The following CUX1 variants were observed in gnomAD, a reference collection of about 807,000 sequenced individuals.
CUX1 encodes cut like homeobox 1.
CUX1 carries 31 observed loss-of-function variants against 158.8 expected under a neutral mutation model. That is an observed-to-expected ratio of 0.20 (90% CI 0.15 to 0.26). CUX1 has a LOEUF of 0.26. Among genes scored for constraint, CUX1 ranks in the 10% least tolerant of loss-of-function variants. The pLI is 1.00. For missense variants in CUX1, 1,589 were observed against 2,014.6 expected (o/e 0.79, Z 4.04); for synonymous variants, 879 against 862.1 (o/e 1.02, Z -0.34).
At chr7:102,009,685 C>A (rs1199986140) in intron 2 of CUX1, among the ~76,000 whole-genome samples, 1 of 152,256 alleles carries the variant, frequency 6.6e-6, no homozygotes, top group Admixed American at 6.5e-5. Context: ...CCAGCCTCCA[C>A]CCCTTCTCTC....
At position 102,253,165 on chromosome 7, in the gene CUX1, A is replaced by G; in HGVS notation, c.*4123A>G. The G allele has an allele frequency of 2.0e-6, 2 of 985,406 alleles. No homozygotes were observed. The highest frequency in any genetic ancestry group is 2.4e-6 in the Non-Finnish European group (2 of 829,976). The allele number at this position is 985,406 out of a possible 1,614,324, so 61.0% of individuals were successfully genotyped here. On this transcript the variant is annotated 3_prime_UTR_variant, in exon 24 of 24. Transcript: ENST00000292535. ...TCCCATTGAAAAACCATCCTGTCTG[A>G]TGTGGACGTTCAGGTCTGCTGGTTG... is the stretch of plus-strand genomic sequence containing the variant.
At chr7:102,101,757 C>T (rs985292132) in intron 5 of CUX1, among the ~76,000 whole-genome samples, 1 of 151,980 alleles carries the variant, frequency 6.6e-6, no homozygotes, top group Non-Finnish European at 1.5e-5. Flanking sequence ...TTAAAAAATA[C>T]AAGAATTAGC....
At chr7:102,197,601 C>T (rs1382054338) in intron 15 of CUX1, among the ~76,000 whole-genome samples, 4 of 152,146 alleles carry the variant, frequency 2.6e-5, no homozygotes, top group African/African-American at 9.7e-5. Context: ...TGATGTATAG[C>T]GTCTCCGTAT....
In CUX1 at chr7:102,250,014, A is replaced by T; in HGVS notation, c.*972A>T. The T allele has an allele frequency of 1.0e-6, 1 of 985,384 alleles. No individual in the cohort carries two copies. Among genetic ancestry groups the T allele is most frequent in the Non-Finnish European group, 1.2e-6 (1 of 829,828 alleles). The allele number at this position is 985,384 out of a possible 1,614,324, so 61.0% of individuals were successfully genotyped here. A position where few individuals can be genotyped will look rare whatever the true frequency, so the allele number is the denominator to read the frequency against. On this transcript the variant is annotated 3_prime_UTR_variant, in exon 24 of 24. Transcript: ENST00000292535. ...GGGTTTTGCAGACCAGGGTTTGTTTAATACACTCCATTCTAGGCCAAATCA... is the reference window on the plus strand; with the variant it reads ...GGGTTTTGCAGACCAGGGTTTGTTTTATACACTCCATTCTAGGCCAAATCA...
intron 4 of CUX1, among the ~76,000 whole-genome samples, chr7:102,092,547 T>C (rs1178142549): frequency 2.0e-5 from 3 of 152,052 alleles, no homozygotes; most frequent in Non-Finnish European, 4.4e-5. Context: ...AAGTGGAAAA[T>C]ATCATAAGTC....
intron 20 of CUX1, among the ~76,000 whole-genome samples, chr7:102,205,432 G>A (rs1324436924): frequency 3.3e-5 from 5 of 152,172 alleles, no homozygotes; most frequent in Non-Finnish European, 1.5e-5. Flanking sequence ...TGTGTTCAGG[G>A]CTGGGGTCTA....
intron 3 of CUX1, among the ~76,000 whole-genome samples, chr7:102,065,935 C>T (rs983128643): frequency 6.6e-5 from 10 of 151,898 alleles, no homozygotes; most frequent in African/African-American, 2.4e-4. Flanking sequence ...GCATTACAGG[C>T]GCCTGCCACC....
intron 13 of CUX1, among the ~76,000 whole-genome samples, chr7:102,195,077 T>C: frequency 7.0e-6 from 1 of 143,464 alleles, no homozygotes; most frequent in Admixed American, 7.2e-5. Flanking sequence ...GGAATCTGAC[T>C]CCTGATGCCC....
intron 2 of CUX1, chr7:101,961,482 A>G (rs983778393): frequency 6.6e-6 from 1 of 152,226 alleles, no homozygotes; most frequent in Non-Finnish European, 1.5e-5. Context: ...GCATGTGATT[A>G]TCTGTTTGTT....
chr7:102,106,863 C>G (rs1830414162), intron 6 of CUX1, among the ~76,000 whole-genome samples: 1 of 152,172 alleles, frequency 6.6e-6, no homozygotes, highest in African/African-American at 2.4e-5. Flanking sequence ...CAGCTAAGCC[C>G]TCCTTTGGGG....
At chr7:101,817,083 G>A (rs998631262), upstream of CUX1, 9 of 984,524 alleles carry the variant, frequency 9.1e-6, no homozygotes, top group African/African-American at 1.6e-4. This position sits in a 1 kb window ranked among gnomAD's most constrained non-coding sequence, Gnocchi z 4.1. Flanking sequence ...CGGCGGGGGT[G>A]CCCCGCGCGC....
intron 1 of CUX1, among the ~76,000 whole-genome samples, chr7:101,910,187 C>T (rs1406906439): frequency 6.6e-6 from 1 of 152,128 alleles, no homozygotes; most frequent in African/African-American, 2.4e-5. Flanking sequence ...CCCTCTGTCA[C>T]CCAGGCTGGA....
intron 1 of CUX1, among the ~76,000 whole-genome samples, chr7:101,901,585 G>C (rs1359689983): frequency 6.6e-6 from 1 of 152,160 alleles, no homozygotes; most frequent in Non-Finnish European, 1.5e-5. Flanking sequence ...GTGAGCCACT[G>C]TGCCTGGCCA....
intron 1 of CUX1, among the ~76,000 whole-genome samples, chr7:101,875,973 C>T (rs1320158704): frequency 6.6e-6 from 1 of 152,032 alleles, no homozygotes; most frequent in African/African-American, 2.4e-5. Context: ...TGGTTTGGTC[C>T]CAGGATGCAT....
intron 2 of CUX1, among the ~76,000 whole-genome samples, chr7:101,971,401 A>C (rs1212788877): frequency 6.6e-6 from 1 of 152,224 alleles, no homozygotes; most frequent in Non-Finnish European, 1.5e-5. Flanking sequence ...TAATCCCAGC[A>C]CTTTGGGAGA....
chr7:102,095,134 G>A (rs1245111259), intron 4 of CUX1, among the ~76,000 whole-genome samples: 2 of 151,892 alleles, frequency 1.3e-5, no homozygotes, highest in African/African-American at 4.8e-5. Flanking sequence ...CCAGTAGCTG[G>A]GACTACAGGG....
chr7:101,837,629 G>T (rs1794764882), intron 1 of CUX1, among the ~76,000 whole-genome samples: 1 of 151,750 alleles, frequency 6.6e-6, no homozygotes, highest in African/African-American at 2.4e-5. Flanking sequence ...AGGAGTTCAA[G>T]ACCAGCCTGG....
At chr7:101,817,548 G>T, upstream of CUX1, 1 of 1,284,248 alleles carries the variant, frequency 7.8e-7, no homozygotes. This position sits in a 1 kb window ranked among gnomAD's most constrained non-coding sequence, Gnocchi z 4.1. Flanking sequence ...GCCACCCCCC[G>T]CCCGGAGGAG....
intron 1 of CUX1, among the ~76,000 whole-genome samples, chr7:101,858,173 G>T (rs1167927258): frequency 6.6e-6 from 1 of 152,122 alleles, no homozygotes; most frequent in Non-Finnish European, 1.5e-5. Context: ...GAGGAGTAGG[G>T]TTTCTTACCA....
Sources: allele counts gnomAD v4.1 joint callset (sites outside exome capture counted in the v4.1 genomes callset), GRCh38; gene constraint gnomAD v4.1.1; non-coding constraint Gnocchi (gnomAD v3.1); transcripts MANE v1.5; gene names NCBI Gene and HGNC (gene_info 2026-07-23, HGNC 2026-07-21).